PTPN13: variants seen among roughly 807,000 people sequenced by gnomAD.
PTPN13 encodes the protein protein tyrosine phosphatase non-receptor type 13.
PTPN13 carries 191 observed loss-of-function variants against 284.0 expected under a neutral mutation model. That is an observed-to-expected ratio of 0.67 (90% CI 0.60 to 0.76). The LOEUF is 0.76. PTPN13 is among the 30% of genes least tolerant of loss of function. The pLI, the probability that PTPN13 is intolerant of heterozygous loss-of-function variation, is 0.00. For missense variants in PTPN13, 2,797 were observed against 2,939.9 expected (o/e 0.95, Z 1.12); for synonymous variants, 986 against 1,022.3 (o/e 0.96, Z 0.68).
rs200509814 is a variant in PTPN13, at chr4:86,759,002, T to C, written c.3482T>C (p.Ile1161Thr). 9.3e-6 allele frequency: 15 copies of C among 1,613,610 alleles called. No individual in the cohort carries two copies. The highest frequency in any genetic ancestry group is 3.3e-5 in the Admixed American group (2 of 59,964). ...SLEGVSHHAA[I>T]EILQNAPEDV... ...GAGGGAGTCAGCCACCATGCTGCAA[T>C]TGAAATTTTGCAAAATGCACCTGAA... Residue 1161 changes from isoleucine (I) to threonine (T), a missense_variant, in exon 23 of 48, where the codon ATT (isoleucine) becomes ACT (threonine). Transcript: ENST00000411767.
At chr4:86,728,073 C>G (rs1009445604) in intron 10 of PTPN13, among the ~76,000 whole-genome samples, 1 of 149,558 alleles carries the variant, frequency 6.7e-6, no homozygotes, top group East Asian at 1.9e-4. Context: ...TTGTTATATA[C>G]CCAGTAGTCA....
chr4:86,808,404 A>T (rs529616745), intron 45 of PTPN13, among the ~76,000 whole-genome samples: 1 of 152,342 alleles, frequency 6.6e-6, no homozygotes, highest in East Asian at 1.9e-4. Flanking sequence ...GAATTAGATA[A>T]GTGGCAATAC....
intron 45 of PTPN13, 73 bp from the exon 46 acceptor site, chr4:86,809,696 A>AG (rs747354613): frequency 2.1e-5 from 30 of 1,410,784 alleles, no homozygotes; most frequent in Admixed American, 5.2e-5. Flanking sequence ...ATCTCAAGAA[A>AG]GAAAAAAAAG....
chr4:86,653,761 A>T (rs968379003), intron 2 of PTPN13, among the ~76,000 whole-genome samples: 19 of 152,152 alleles, frequency 1.2e-4, no homozygotes, highest in Admixed American at 3.9e-4. Flanking sequence ...ATTATTTTTT[A>T]AAAAACTAAG....
chr4:86,704,000 C>T (rs914089080), intron 7 of PTPN13, among the ~76,000 whole-genome samples: 2 of 151,502 alleles, frequency 1.3e-5, no homozygotes, highest in Non-Finnish European at 2.9e-5. Context: ...TGGAGAAACC[C>T]CGTCTTTACT....
intron 26 of PTPN13, among the ~76,000 whole-genome samples, chr4:86,765,898 G>A (rs1217187064): frequency 6.6e-6 from 1 of 151,978 alleles, no homozygotes; most frequent in Non-Finnish European, 1.5e-5. Flanking sequence ...TGCGATCTCA[G>A]TTCACTGCAA....
Position 86,751,071 on chromosome 4 carries a change from A to G in PTPN13, c.3113A>G (p.Lys1038Arg). ...ASLNRSPERRKHESDSSSIED... is the reference protein window; with the variant it reads ...ASLNRSPERRRHESDSSSIED... ...TTAAATAGAAGTCCTGAAAGGAGGA[A>G]ACATGAATCAGACTCCTCATCCATT... is the stretch of plus-strand genomic sequence containing the variant. The change falls in exon 19 of 48, where the codon AAA (lysine) becomes AGA (arginine). Residue 1038 changes from lysine (K) to arginine (R), a missense_variant. Transcript: ENST00000411767. The G allele has an allele frequency of 6.2e-7, 1 of 1,610,750 alleles. No homozygotes were observed. The highest frequency in any genetic ancestry group is 8.5e-7 in the Non-Finnish European group (1 of 1,177,230).
intron 1 of PTPN13, among the ~76,000 whole-genome samples, chr4:86,600,170 T>C (rs898451718): frequency 6.6e-5 from 10 of 152,040 alleles, no homozygotes; most frequent in African/African-American, 2.4e-4. Context: ...AAAATGAGAT[T>C]CCTAAAGAAT....
intron 1 of PTPN13, among the ~76,000 whole-genome samples, chr4:86,620,951 T>A (rs1178767248): frequency 6.6e-6 from 1 of 152,246 alleles, no homozygotes; most frequent in Non-Finnish European, 1.5e-5. Flanking sequence ...TTTAGGTATC[T>A]GTTGTCGCAA....
chr4:86,670,627 G>A (rs188385647), intron 2 of PTPN13, among the ~76,000 whole-genome samples: 37 of 152,222 alleles, frequency 2.4e-4, no homozygotes, highest in Non-Finnish European at 3.8e-4. Flanking sequence ...TTATTAGTGC[G>A]TTGTCTTCCT....
At chr4:86,779,736 C>A (rs1741080455) in intron 35 of PTPN13, among the ~76,000 whole-genome samples, 1 of 152,018 alleles carries the variant, frequency 6.6e-6, no homozygotes. Flanking sequence ...TTAGGCAACT[C>A]CCCTCTTCTC....
chr4:86,684,357 G>T (rs1729218298), intron 3 of PTPN13, among the ~76,000 whole-genome samples: 1 of 152,134 alleles, frequency 6.6e-6, no homozygotes, highest in Non-Finnish European at 1.5e-5. Context: ...AGAAAGAAAA[G>T]GATGTATTTT....
chr4:86,682,079 T>C (rs1228266768), intron 3 of PTPN13, among the ~76,000 whole-genome samples: 1 of 152,242 alleles, frequency 6.6e-6, no homozygotes, highest in African/African-American at 2.4e-5. Context: ...AGTAGTGTTA[T>C]AGATACCAGG....
At position 86,772,814 on chromosome 4, in the gene PTPN13, G is replaced by A; in HGVS notation, c.5205G>A (p.Gly1735=). Residue 1735 remains glycine (G), a synonymous_variant, in exon 32 of 48, where the codon GGG becomes GGA. Coordinates refer to ENST00000411767, the MANE Select transcript of PTPN13 (RefSeq NM_080683.3). ...CTCTACCACCGGATATGGCTCCTGG[G>A]CAGAGTTATCAACCCCAATCAGAAT... ...PSPLPPDMAP[G]QSYQPQSESA... is the part of the protein sequence containing the mutation. 1 of 1,612,306 alleles carries A rather than the reference G, an allele frequency of 6.2e-7. No individual in the cohort carries two copies. Among genetic ancestry groups the A allele is most frequent in the Non-Finnish European group, 8.5e-7 (1 of 1,179,218 alleles).
intron 1 of PTPN13, among the ~76,000 whole-genome samples, chr4:86,609,311 A>G (rs1765061706): frequency 6.6e-6 from 1 of 152,188 alleles, no homozygotes; most frequent in Admixed American, 6.5e-5. Flanking sequence ...TATAGCAGAT[A>G]AAGTTTATTA....
Position 86,672,555 on chromosome 4 carries a change from ATT to A in PTPN13, c.294+18_294+19del, listed in dbSNP as rs1448872627. 1 of 1,581,728 alleles carries A rather than the reference ATT, an allele frequency of 6.3e-7. No homozygotes were observed. The highest frequency in any genetic ancestry group is 2.3e-5 in the East Asian group (1 of 43,866). On this transcript the variant is annotated intron_variant, in intron 3 of 47. Coordinates refer to ENST00000411767, the MANE Select transcript of PTPN13 (RefSeq NM_080683.3). The stretch of plus-strand genomic sequence containing the variant: ...CAGATGTTGAAAAGGTAACTGTTAA[ATT>A]TTTTTGTTTGTTTTTTTATTTGGGT...
At chr4:86,734,902 C>G in intron 14 of PTPN13, 27 bp downstream of exon 14, 1 of 1,598,398 alleles carries the variant, frequency 6.3e-7, no homozygotes, top group Non-Finnish European at 8.6e-7. Context: ...TTTCCAGGAC[C>G]ATTTTTGTTT....
intron 32 of PTPN13, 88 bp from the exon 33 acceptor site, chr4:86,774,285 C>G (rs1018659245): frequency 5.4e-6 from 7 of 1,299,694 alleles, no homozygotes; most frequent in Non-Finnish European, 7.4e-6. Context: ...TTGACTTTCT[C>G]CTCTGTTAAG....
At chr4:86,685,801 CA>C (rs1258302806) in intron 3 of PTPN13, among the ~76,000 whole-genome samples, 15 of 152,160 alleles carry the variant, frequency 9.9e-5, no homozygotes, top group African/African-American at 3.4e-4. Flanking sequence ...AACTGTTATG[CA>C]AGGGAATCTG....
Sources: allele counts gnomAD v4.1 joint callset (sites outside exome capture counted in the v4.1 genomes callset), GRCh38; gene constraint gnomAD v4.1.1; transcripts MANE v1.5; gene names NCBI Gene and HGNC (gene_info 2026-07-23, HGNC 2026-07-21).